Variants in UNC5D observed in about 807,000 individuals in gnomAD.
UNC5D encodes unc-5 netrin receptor D.
UNC5D carries 39 observed loss-of-function variants against 105.4 expected under a neutral mutation model. The observed-to-expected ratio is 0.37, with a 90% CI of 0.29 to 0.48. The LOEUF (loss-of-function observed/expected upper bound fraction) is 0.48, where lower values mean the gene tolerates loss of function less well. Among genes scored for constraint, UNC5D ranks in the 20% least tolerant of loss-of-function variants. The probability of loss-of-function intolerance (pLI) is 0.98; values close to 1 mark genes in which losing one functional copy is unlikely to be tolerated. For missense variants in UNC5D, 991 were observed against 1,202.4 expected (o/e 0.82, Z 2.60); for synonymous variants, 452 against 450.4 (o/e 1.00, Z -0.04).
intron 1 of UNC5D, among the ~76,000 whole-genome samples, chr8:35,385,897 A>G (rs888387241): frequency 6.6e-6 from 1 of 152,184 alleles, no homozygotes; most frequent in Admixed American, 6.5e-5. Context: ...AATTTCTGAC[A>G]TCTTAAACCA....
At chr8:35,244,206 A>G (rs1802954380) in intron 1 of UNC5D, among the ~76,000 whole-genome samples, 1 of 152,204 alleles carries the variant, frequency 6.6e-6, no homozygotes, top group Non-Finnish European at 1.5e-5. Context: ...TTTTTTGACC[A>G]AAGTCGAACA....
intron 4 of UNC5D, among the ~76,000 whole-genome samples, chr8:35,602,377 C>G (rs573286501): frequency 1.1e-4 from 17 of 152,270 alleles, no homozygotes; most frequent in African/African-American, 3.9e-4. Flanking sequence ...AGGAATGGGA[C>G]CAGCTCCTCC....
intron 1 of UNC5D, among the ~76,000 whole-genome samples, chr8:35,250,566 C>T (rs897403946): frequency 3.4e-4 from 52 of 152,258 alleles, no homozygotes; most frequent in African/African-American, 1.1e-3. Flanking sequence ...ACGATCTCGG[C>T]TCACCGCAAC....
Position 35,705,976 on chromosome 8 carries a change from CTCT to C in UNC5D, c.1117+17_1117+19del. 1 of 1,297,742 alleles carries C rather than the reference CTCT, an allele frequency of 7.7e-7. No homozygotes were observed. Among genetic ancestry groups the C allele is most frequent in the Non-Finnish European group, 1.1e-6 (1 of 921,042 alleles). 80.4% of individuals were successfully genotyped at this position (1,297,742 alleles called of 1,614,324 possible). A position where few individuals can be genotyped will look rare whatever the true frequency, so the allele number is the denominator to read the frequency against. On this transcript the variant is annotated intron_variant, in intron 8 of 16. Coordinates refer to ENST00000404895, the MANE Select transcript of UNC5D (RefSeq NM_080872.4). ...AAAACCCCAAAGTAAGTTATTTTTC[CTCT>C]TGTGAATATAATTTATTCTCATATT...
intron 2 of UNC5D, among the ~76,000 whole-genome samples, chr8:35,565,155 A>C (rs1817248628): frequency 2.0e-5 from 3 of 152,132 alleles, no homozygotes; most frequent in Admixed American, 2.0e-4. Flanking sequence ...TAGTCTTTTG[A>C]GAAATCTCCA....
At chr8:35,275,522 A>T (rs1262253693) in intron 1 of UNC5D, among the ~76,000 whole-genome samples, 1 of 152,050 alleles carries the variant, frequency 6.6e-6, no homozygotes, top group Non-Finnish European at 1.5e-5. Context: ...TCATTTTCTT[A>T]GTTATTTTTG....
At chr8:35,439,646 G>A (rs1373320855) in intron 1 of UNC5D, among the ~76,000 whole-genome samples, 2 of 151,980 alleles carry the variant, frequency 1.3e-5, no homozygotes, top group African/African-American at 4.8e-5. Context: ...GATAGACTAA[G>A]GTATATCTGA....
chr8:35,558,145 A>T (rs1039728826), intron 2 of UNC5D, among the ~76,000 whole-genome samples: 12 of 151,084 alleles, frequency 7.9e-5, no homozygotes, highest in African/African-American at 2.9e-4. Context: ...AAAAAAAAAA[A>T]AGTCTCCCCT....
chr8:35,794,560 C>T lies in UNC5D; in HGVS notation c.*3997C>T, dbSNP rs181893511. On this transcript the variant is annotated 3_prime_UTR_variant, in exon 17 of 17. Coordinates refer to ENST00000404895, the MANE Select transcript of UNC5D (RefSeq NM_080872.4). ...CTTTAGCCAAAAGCTGAATGACCAC[C>T]GTTTCCGTAGTTTCCACTGTTTTGT... 1 of 152,708 alleles carries T rather than the reference C, an allele frequency of 6.5e-6. No individual in the cohort carries two copies. Among genetic ancestry groups the T allele is most frequent in the East Asian group, 1.9e-4 (1 of 5,190 alleles). 9.5% of individuals were successfully genotyped at this position (152,708 alleles called of 1,614,324 possible).
At chr8:35,422,254 C>T (rs1030258748) in intron 1 of UNC5D, among the ~76,000 whole-genome samples, 1 of 152,130 alleles carries the variant, frequency 6.6e-6, no homozygotes, top group Non-Finnish European at 1.5e-5. Context: ...TCTGGAAACA[C>T]CAACACCAAA....
At chr8:35,271,633 A>T (rs1380444165) in intron 1 of UNC5D, among the ~76,000 whole-genome samples, 1 of 144,214 alleles carries the variant, frequency 6.9e-6, no homozygotes, top group African/African-American at 2.5e-5. Flanking sequence ...TGTAACATAT[A>T]TTATGTATAC....
intron 4 of UNC5D, among the ~76,000 whole-genome samples, chr8:35,623,966 G>C (rs1266792440): frequency 6.6e-6 from 1 of 152,012 alleles, no homozygotes; most frequent in Admixed American, 6.6e-5. Flanking sequence ...TGTAGTCCCA[G>C]CTACTCTGGA....
intron 1 of UNC5D, among the ~76,000 whole-genome samples, chr8:35,281,866 A>C (rs1271343139): frequency 6.6e-6 from 1 of 152,188 alleles, no homozygotes; most frequent in Non-Finnish European, 1.5e-5. Context: ...GTTATGATGT[A>C]GCCTAAATCT....
Position 35,790,699 on chromosome 8 carries a change from G to T in UNC5D, c.*136G>T. ...TAATCAGTGAGATTCCCCTGTTGAA[G>T]AAACTAAATTTTATATAGGTAAAAC... On this transcript the variant is annotated 3_prime_UTR_variant, in exon 17 of 17. Coordinates refer to ENST00000404895, the MANE Select transcript of UNC5D (RefSeq NM_080872.4). 1 of 929,982 alleles carries T rather than the reference G, an allele frequency of 1.1e-6. No individual in the cohort carries two copies. Among genetic ancestry groups the T allele is most frequent in the East Asian group, 2.6e-5 (1 of 38,104 alleles). The allele number at this position is 929,982 out of a possible 1,614,324, so 57.6% of individuals were successfully genotyped here.
chr8:35,439,018 G>T lies in UNC5D; in HGVS notation c.104-110274G>T, dbSNP rs547805046. Among the ~76,000 whole-genome samples the T allele has an allele frequency of 1.3e-5, 2 of 151,826 alleles. 1 individual carries two copies. The highest frequency in any genetic ancestry group is 4.1e-4 in the South Asian group (2 of 4,826). ...CTGGCCTGATGAATTAGACAGCTCT[G>T]GTTCATACATTGATTTTTTTTTTTC... On this transcript the variant is annotated intron_variant, in intron 1 of 16. Transcript: ENST00000404895.
intron 1 of UNC5D, among the ~76,000 whole-genome samples, chr8:35,541,094 G>A (rs991447355): frequency 1.3e-5 from 2 of 152,166 alleles, no homozygotes; most frequent in Admixed American, 6.5e-5. Flanking sequence ...ATTTAACCGA[G>A]TTGAATTGAG....
chr8:35,392,668 G>C (rs1585736691), intron 1 of UNC5D, among the ~76,000 whole-genome samples: 1 of 152,264 alleles, frequency 6.6e-6, no homozygotes, highest in African/African-American at 2.4e-5. Context: ...AGTCACATCG[G>C]CAAAGTCCCT....
intron 1 of UNC5D, among the ~76,000 whole-genome samples, chr8:35,366,426 C>G (rs1802130315): frequency 6.6e-6 from 1 of 152,058 alleles, no homozygotes; most frequent in Non-Finnish European, 1.5e-5. Context: ...GTCTTCAGGT[C>G]TCAGGTTAGA....
intron 4 of UNC5D, among the ~76,000 whole-genome samples, chr8:35,641,386 G>GAAAAAAAAAAAAAAAAAAAAAGA (rs1209560462): frequency 1.1e-5 from 1 of 91,846 alleles, no homozygotes; most frequent in African/African-American, 4.1e-5. Flanking sequence ...AAAAAAAAAA[G>GAAAAAAAAAAAAAAAAAAAAAGA]AAAAAAAAAA....
Sources: allele counts gnomAD v4.1 joint callset (sites outside exome capture counted in the v4.1 genomes callset), GRCh38; gene constraint gnomAD v4.1.1; transcripts MANE v1.5; gene names NCBI Gene and HGNC (gene_info 2026-07-23, HGNC 2026-07-21).